The following PPP4R4 variants were observed in gnomAD, a reference collection of about 807,000 sequenced individuals.
The protein encoded by PPP4R4 is serine/threonine-protein phosphatase 4 regulatory subunit 4.
Under a neutral mutation model 121.8 loss-of-function variants are expected in PPP4R4, and 70 were observed. The observed-to-expected ratio is 0.57, with a 90% CI of 0.47 to 0.70. The LOEUF is 0.70. Ranked by LOEUF, PPP4R4 falls within the 30% of genes least tolerant of loss-of-function variation. The pLI is 0.00. For missense variants in PPP4R4, 875 were observed against 1,033.6 expected, an observed-to-expected ratio of 0.85 and a Z score of 2.10; for synonymous variants, 348 against 355.7, an observed-to-expected ratio of 0.98 and a Z score of 0.24.
At chr14:94,174,722 C>A in intron 1 of PPP4R4, 140 bp downstream of exon 1, 1 of 1,412,650 alleles carries the variant, frequency 7.1e-7, no homozygotes, top group Non-Finnish European at 9.3e-7. Context: ...GCCCCTCCTC[C>A]TCCACCCCTC....
intron 2 of PPP4R4, 114 bp from the exon 3 acceptor site, chr14:94,208,350 C>G (rs1196312666): frequency 1.6e-6 from 1 of 632,138 alleles, no homozygotes; most frequent in Admixed American, 3.5e-5. Context: ...ACTTAGAAGT[C>G]TGAGTGCTTA....
intron 23 of PPP4R4, 74 bp downstream of exon 23, chr14:94,267,103 C>T: frequency 1.0e-6 from 1 of 966,754 alleles, no homozygotes. Flanking sequence ...TGACCTATTT[C>T]TTTAGTACTA....
intron 3 of PPP4R4, among the ~76,000 whole-genome samples, chr14:94,223,072 A>C (rs1891503732): frequency 6.6e-6 from 1 of 152,080 alleles, no homozygotes; most frequent in Non-Finnish European, 1.5e-5. Flanking sequence ...GCTTTTTAAA[A>C]TCTGCCATTT....
chr14:94,231,633 C>T (rs558695665), intron 5 of PPP4R4, among the ~76,000 whole-genome samples: 8 of 152,104 alleles, frequency 5.3e-5, no homozygotes, highest in African/African-American at 1.7e-4. Context: ...GCATTACTTT[C>T]CTATATTTTT....
intron 2 of PPP4R4, among the ~76,000 whole-genome samples, chr14:94,189,060 C>CT (rs1205021845): frequency 6.6e-6 from 1 of 152,046 alleles, no homozygotes; most frequent in Non-Finnish European, 1.5e-5. Flanking sequence ...AGAAAATTGA[C>CT]TTTTTTTCTC....
chr14:94,253,770 T>C (rs915369618), intron 16 of PPP4R4, among the ~76,000 whole-genome samples: 4 of 152,224 alleles, frequency 2.6e-5, no homozygotes, highest in Admixed American at 2.6e-4. Flanking sequence ...CAGCAGATTA[T>C]TGTATAACTG....
In PPP4R4 at chr14:94,184,410, C is replaced by T. The variant is rs116061361; in HGVS notation, c.191+8283C>T. Among the ~76,000 whole-genome samples, 529 of 152,194 alleles carry T rather than the reference C, an allele frequency of 3.5e-3. 3 individuals carry two copies. Among genetic ancestry groups the T allele is most frequent in the African/African-American group, 0.011 (466 of 41,516 alleles). ...AGTAGCTGAGACTACAGGCACTAGCCACCATGCCTAGCTAATTAAGTTTTT... is the reference window on the plus strand; with the variant it reads ...AGTAGCTGAGACTACAGGCACTAGCTACCATGCCTAGCTAATTAAGTTTTT... On this transcript the variant is annotated intron_variant, in intron 2 of 24. Transcript: ENST00000304338.
At position 94,242,408 on chromosome 14, in the gene PPP4R4, A is replaced by G. The variant is rs772350446; in HGVS notation, c.1266A>G (p.Glu422=). 2.5e-6 allele frequency: 4 copies of G among 1,608,212 alleles called. No homozygotes were observed. In the East Asian group the frequency reaches 8.9e-5, roughly 36 times the overall value. Residue 422 remains glutamate, a splice_region_variant and synonymous_variant, in exon 11 of 25, where the codon GAA becomes GAG. Transcript: ENST00000304338. The part of the protein sequence containing the change: ...VRYTIAICFY[E]VSKLLNSGVY... ...ACACTATTGCTATTTGCTTTTATGA[A>G]GTAAGTCTGAAGACTTGATATCACT... is the stretch of plus-strand genomic sequence containing the variant.
intron 2 of PPP4R4, among the ~76,000 whole-genome samples, chr14:94,206,950 T>G (rs1178039722): frequency 6.6e-6 from 1 of 152,048 alleles, no homozygotes; most frequent in Non-Finnish European, 1.5e-5. Context: ...ATTCCAACTT[T>G]TGGTGGTTGT....
In PPP4R4 at chr14:94,279,321, T is replaced by C. The variant is rs1160539100; in HGVS notation, c.*678T>C. 6.6e-6 allele frequency: 1 copy of C among 152,660 alleles called. No homozygotes were observed. The highest frequency in any genetic ancestry group is 1.5e-5 in the Non-Finnish European group (1 of 68,040). 9.5% of individuals were successfully genotyped at this position (152,660 alleles called of 1,614,324 possible). On this transcript the variant is annotated 3_prime_UTR_variant, in exon 25 of 25. Coordinates refer to ENST00000304338, the MANE Select transcript of PPP4R4 (RefSeq NM_058237.2). The stretch of plus-strand genomic sequence containing the variant: ...ATGATTTTCTTTATTTCCTAGAGAA[T>C]TTATTTTATAAATACTTTGTTTACA...
intron 2 of PPP4R4, among the ~76,000 whole-genome samples, chr14:94,182,360 C>T (rs1309403699): frequency 6.6e-6 from 1 of 152,144 alleles, no homozygotes; most frequent in Non-Finnish European, 1.5e-5. Flanking sequence ...CCCATGTACC[C>T]AGTATCCAGA....
intron 23 of PPP4R4, among the ~76,000 whole-genome samples, chr14:94,273,030 A>G (rs1337532362): frequency 6.6e-6 from 1 of 152,178 alleles, no homozygotes; most frequent in Non-Finnish European, 1.5e-5. Flanking sequence ...ACTCTCATTC[A>G]TTGCTGGTGG....
intron 3 of PPP4R4, among the ~76,000 whole-genome samples, chr14:94,229,463 G>C (rs1891894181): frequency 6.6e-6 from 1 of 152,072 alleles, no homozygotes; most frequent in African/African-American, 2.4e-5. Context: ...AGGTTTTAGG[G>C]AGAGATCAGT....
chr14:94,267,261 C>T (rs951697891), intron 23 of PPP4R4, among the ~76,000 whole-genome samples: 2 of 152,026 alleles, frequency 1.3e-5, no homozygotes, highest in Admixed American at 1.3e-4. Flanking sequence ...AGAAAAAGAA[C>T]AAAAGTGATA....
intron 2 of PPP4R4, among the ~76,000 whole-genome samples, chr14:94,189,292 C>T (rs144642929): frequency 5.6e-4 from 86 of 152,224 alleles, no homozygotes; most frequent in Non-Finnish European, 1.1e-3. Flanking sequence ...ATTTTATTTC[C>T]AAGACCCCCT....
At chr14:94,233,914 TA>T (rs145172121) in intron 6 of PPP4R4, among the ~76,000 whole-genome samples, 155 bp downstream of exon 6, 3,531 of 152,326 alleles carry the variant, frequency 0.023, 84 homozygotes, top group Non-Finnish European at 0.037. Flanking sequence ...CGAATTTACT[TA>T]TTCAGATGCC....
chr14:94,250,155 T>C lies in PPP4R4; in HGVS notation c.1612-17T>C, dbSNP rs186037432. On this transcript the variant is annotated splice_polypyrimidine_tract_variant and intron_variant, in intron 14 of 24. Coordinates refer to ENST00000304338, the MANE Select transcript of PPP4R4 (RefSeq NM_058237.2). Reference sequence around the variant, plus strand: ...AATTAGCCTAGTGTAACTGTCTGTCTTACTTACTTCTTCAAGAATGTTTTA... The same window carrying C: ...AATTAGCCTAGTGTAACTGTCTGTCCTACTTACTTCTTCAAGAATGTTTTA... The C allele has an allele frequency of 6.2e-4, 948 of 1,531,112 alleles. 12 individuals carry two copies. In the South Asian group the frequency reaches 8.4e-3, roughly 14 times the overall value. The allele number at this position is 1,531,112 out of a possible 1,614,324, so 94.8% of individuals were successfully genotyped here. A position where few individuals can be genotyped will look rare whatever the true frequency, so the allele number is the denominator to read the frequency against.
chr14:94,208,186 C>T (rs777590934), intron 2 of PPP4R4, among the ~76,000 whole-genome samples: 16 of 151,818 alleles, frequency 1.1e-4, no homozygotes, highest in Non-Finnish European at 1.9e-4. Flanking sequence ...ATAATAGTCT[C>T]GAAACTTTTA....
intron 18 of PPP4R4, 126 bp from the exon 19 acceptor site, chr14:94,259,169 A>G: frequency 2.1e-6 from 3 of 1,431,758 alleles, no homozygotes; most frequent in Non-Finnish European, 2.8e-6. Flanking sequence ...GAATTAGGGG[A>G]GCTACAAGAT....
Sources: allele counts gnomAD v4.1 joint callset (sites outside exome capture counted in the v4.1 genomes callset), GRCh38; gene constraint gnomAD v4.1.1; transcripts MANE v1.5; gene names NCBI Gene and HGNC (gene_info 2026-07-23, HGNC 2026-07-21).